Variants in KIF1B observed in about 807,000 individuals in gnomAD.
The protein encoded by KIF1B is kinesin family member 1B.
In KIF1B, 76 loss-of-function variants were observed where a neutral mutation model predicts 241.9. That is an observed-to-expected ratio of 0.31 (90% confidence interval 0.26 to 0.38). KIF1B has a LOEUF of 0.38. Ranked by LOEUF, KIF1B falls within the 10% of genes least tolerant of loss-of-function variation. KIF1B has a pLI of 1.00. For synonymous variants in KIF1B, 750 were observed against 796.7 expected (o/e 0.94, Z 0.99); for missense variants, 1,622 against 2,271.4 (o/e 0.71, Z 5.81).
At chr1:10,217,920 G>A (rs919073155) in intron 1 of KIF1B, among the ~76,000 whole-genome samples, 1 of 151,876 alleles carries the variant, frequency 6.6e-6, no homozygotes, top group African/African-American at 2.4e-5. Context: ...TATCTTTTTT[G>A]TTCACGGATT....
intron 23 of KIF1B, among the ~76,000 whole-genome samples, 160 bp downstream of exon 23, chr1:10,320,296 G>T (rs1210444881): frequency 6.6e-6 from 1 of 152,226 alleles, no homozygotes; most frequent in Non-Finnish European, 1.5e-5. Context: ...TAGATGTGCA[G>T]TGTTGAGAAT....
chr1:10,242,718 T>C (rs35850116), intron 2 of KIF1B, among the ~76,000 whole-genome samples: 48,510 of 151,886 alleles, frequency 0.32, 7,858 homozygotes, highest in Middle Eastern at 0.37. Flanking sequence ...GGTTTCACCA[T>C]GTTGGCCAGG....
In KIF1B at chr1:10,374,181, C is replaced by T. The variant is rs1638820732; in HGVS notation, c.4947-135C>T. The T allele has an allele frequency of 2.3e-6, 2 of 885,128 alleles. No homozygotes were observed. The highest frequency in any genetic ancestry group is 2.4e-5 in the East Asian group (1 of 41,582). The allele number at this position is 885,128 out of a possible 1,614,324, so 54.8% of individuals were successfully genotyped here. A position where few individuals can be genotyped will look rare whatever the true frequency, so the allele number is the denominator to read the frequency against. ...AAGCCAGCTTGTCTCCTCAGCTGAGCTCTCTGCAACTCAAGTTTGCAGCTG... is the reference window on the plus strand; with the variant it reads ...AAGCCAGCTTGTCTCCTCAGCTGAGTTCTCTGCAACTCAAGTTTGCAGCTG... On this transcript the variant is annotated intron_variant, in intron 45 of 48. Coordinates refer to ENST00000676179, the MANE Select transcript of KIF1B (RefSeq NM_001365951.3). The surrounding 1 kb of genome is among the most constrained non-coding windows in gnomAD (Gnocchi z 4.3).
intron 22 of KIF1B, among the ~76,000 whole-genome samples, chr1:10,300,655 G>C (rs1650496539): frequency 6.6e-6 from 1 of 152,134 alleles, no homozygotes; most frequent in African/African-American, 2.4e-5. Context: ...AGTGATAGTT[G>C]TTGGTTATGT....
intron 22 of KIF1B, among the ~76,000 whole-genome samples, chr1:10,310,600 G>GA (rs1651025316): frequency 6.6e-6 from 1 of 151,598 alleles, no homozygotes; most frequent in Non-Finnish European, 1.5e-5. Flanking sequence ...TGCCGACCCC[G>GA]ATCTAGAAGA....
chr1:10,278,231 G>A, intron 13 of KIF1B, 103 bp downstream of exon 13: 3 of 1,196,072 alleles, frequency 2.5e-6, no homozygotes, highest in Non-Finnish European at 3.6e-6. Context: ...GGAGCATGAT[G>A]AAGCTAAATG....
chr1:10,345,902 A>C lies in KIF1B; in HGVS notation c.3746A>C (p.Lys1249Thr). ...ACCAGCCTTGGCCAGAGCATGAGCA[A>C]GTATGACCTCCTGGTTTGGTTTGAG... ...SKTSLGQSMSKYDLLVWFEIS... is the reference protein window; with the variant it reads ...SKTSLGQSMSTYDLLVWFEIS... The change falls in exon 35 of 49, where the codon AAG becomes ACG. Residue 1249 changes from lysine (K) to threonine (T), a missense_variant. Physicochemically the swap from Lys to Thr is moderately conservative, Grantham distance 78 (BLOSUM62 -1). This residue lies in a region of KIF1B where 803 missense variants were observed against 1,112.0 expected (regional missense o/e 0.72). Transcript: ENST00000676179. The C allele has an allele frequency of 6.2e-7, 1 of 1,614,186 alleles. No homozygotes were observed. Among genetic ancestry groups the C allele is most frequent in the Non-Finnish European group, 8.5e-7 (1 of 1,180,006 alleles).
intron 2 of KIF1B, among the ~76,000 whole-genome samples, chr1:10,239,442 A>G (rs1270426507): frequency 6.6e-6 from 1 of 151,096 alleles, no homozygotes; most frequent in Non-Finnish European, 1.5e-5. Flanking sequence ...TAATGTTACT[A>G]TTTTTCTATA....
chr1:10,338,202 A>T (rs553088601), intron 31 of KIF1B, among the ~76,000 whole-genome samples: 42 of 152,212 alleles, frequency 2.8e-4, no homozygotes, highest in African/African-American at 8.9e-4. Flanking sequence ...TGACCCCTCC[A>T]TACCTACCGC....
At position 10,250,335 on chromosome 1, in the gene KIF1B, T is replaced by C. The variant is rs1034278959; in HGVS notation, c.107-5912T>C. Reference sequence around the variant, plus strand: ...GTAAAAAACACCTAAATACAGTATTTCTTAACTTTTTTTTTTTTTTTGAAA... The same window carrying C: ...GTAAAAAACACCTAAATACAGTATTCCTTAACTTTTTTTTTTTTTTTGAAA... On this transcript the variant is annotated intron_variant, in intron 2 of 48. Coordinates refer to ENST00000676179, the MANE Select transcript of KIF1B (RefSeq NM_001365951.3). Among the ~76,000 whole-genome samples the C allele has an allele frequency of 1.3e-4, 20 of 149,640 alleles. No homozygotes were observed. In the East Asian group the frequency reaches 2.9e-3, roughly 22 times the overall value.
intron 27 of KIF1B, among the ~76,000 whole-genome samples, chr1:10,333,964 A>G (rs1286741283): frequency 6.6e-6 from 1 of 151,890 alleles, no homozygotes; most frequent in Non-Finnish European, 1.5e-5. Flanking sequence ...CAGCCTGGCC[A>G]ACATGGTGAA....
chr1:10,274,823 T>A, intron 10 of KIF1B: 1 of 237,712 alleles, frequency 4.2e-6, no homozygotes, highest in Non-Finnish European at 8.6e-6. Context: ...TATTTGATGA[T>A]GTTAGGGAAT....
At chr1:10,272,450 G>C (rs1648851968) in intron 9 of KIF1B, 144 bp downstream of exon 9, 1 of 703,122 alleles carries the variant, frequency 1.4e-6, no homozygotes, top group East Asian at 2.7e-5. Flanking sequence ...TTTCAGATAA[G>C]ATACTAGGTA....
chr1:10,318,675 C>T (rs756868357), intron 22 of KIF1B, among the ~76,000 whole-genome samples: 3 of 152,078 alleles, frequency 2.0e-5, no homozygotes, highest in South Asian at 2.1e-4. Flanking sequence ...GCCAAGATTG[C>T]GCCATTGCAC....
intron 24 of KIF1B, 127 bp downstream of exon 24, chr1:10,321,984 TTA>T (rs1651542889): frequency 1.3e-5 from 12 of 926,994 alleles, no homozygotes; most frequent in Admixed American, 6.7e-5. Flanking sequence ...TAAAACAGCT[TTA>T]TATATGTCTT....
chr1:10,314,043 C>T (rs989381364), intron 22 of KIF1B, among the ~76,000 whole-genome samples: 1 of 151,266 alleles, frequency 6.6e-6, no homozygotes, highest in Non-Finnish European at 1.5e-5. Context: ...ACGGCATGTG[C>T]CACCATGCCT....
Position 10,212,931 on chromosome 1 carries a change from T to TAC in KIF1B, c.-80+2063_-80+2064dup, listed in dbSNP as rs1345755989. On this transcript the variant is annotated intron_variant, in intron 1 of 48. Transcript: ENST00000676179. ...ATATATATATATATATATATATATA[T>TAC]ACACACACACATTTAAAAAATTTGG... Among the ~76,000 whole-genome samples the TAC allele has an allele frequency of 9.6e-3, 832 of 86,312 alleles. 2 individuals are homozygous for TAC. The highest frequency in any genetic ancestry group is 0.015 in the Non-Finnish European group (647 of 44,290). The allele number at this position is 86,312 out of a possible 152,430, so 56.6% of individuals were successfully genotyped here. A position where few individuals can be genotyped will look rare whatever the true frequency, so the allele number is the denominator to read the frequency against.
At chr1:10,286,510 G>A (rs2102239777) in intron 15 of KIF1B, among the ~76,000 whole-genome samples, 1 of 152,306 alleles carries the variant, frequency 6.6e-6, no homozygotes, top group South Asian at 2.1e-4. Context: ...AGCAGCCCAA[G>A]GGCCACATTT....
rs1364841349 is a variant in KIF1B at position 10,303,892 on chromosome 1, C to A, written c.2115+6646C>A. 5.0e-6 allele frequency: 8 copies of A among 1,614,056 alleles called. No homozygotes were observed. In the Admixed American group the frequency reaches 1.2e-4, roughly 24 times the overall value. Reference sequence around the variant, plus strand: ...CAATGGAGAACTTGCAAAAGAAGAACGTGTTTCCCAGCTGATGAATGGGGA... The same window carrying A: ...CAATGGAGAACTTGCAAAAGAAGAAAGTGTTTCCCAGCTGATGAATGGGGA... On this transcript the variant is annotated intron_variant, in intron 22 of 48. Coordinates refer to ENST00000676179, the MANE Select transcript of KIF1B (RefSeq NM_001365951.3). The surrounding 1 kb of genome is among the most constrained non-coding windows in gnomAD (Gnocchi z 5.2).
Sources: allele counts gnomAD v4.1 joint callset (sites outside exome capture counted in the v4.1 genomes callset), GRCh38; gene constraint gnomAD v4.1.1; regional missense constraint gnomAD v4.1.1; non-coding constraint Gnocchi (gnomAD v3.1); transcripts MANE v1.5; gene names NCBI Gene and HGNC (gene_info 2026-07-23, HGNC 2026-07-21).